CCDC144A: variants seen among roughly 807,000 people sequenced by gnomAD.
CCDC144A encodes the protein coiled-coil domain containing 144A, also known as coiled-coil domain-containing protein 144A.
Under a neutral mutation model 143.8 loss-of-function variants are expected in CCDC144A, and 41 were observed. The observed-to-expected ratio is 0.29, with a 90% CI of 0.22 to 0.37. The LOEUF (loss-of-function observed/expected upper bound fraction) is 0.37, where lower values mean the gene tolerates loss of function less well. Among genes scored for constraint, CCDC144A ranks in the 10% least tolerant of loss-of-function variants. The pLI is 1.00. For missense variants in CCDC144A, 637 were observed against 1,488.8 expected (o/e 0.43, Z 9.41); for synonymous variants, 242 against 517.9 (o/e 0.47, Z 7.23).
the CCDC144A span, among the ~76,000 whole-genome samples, chr17:16,670,348 C>T: frequency 1.6e-5 from 2 of 124,262 alleles, no homozygotes; most frequent in Admixed American, 1.7e-4. Flanking sequence ...AGTGCAATGG[C>T]GTGATCTTGG....
intron 11 of CCDC144A, among the ~76,000 whole-genome samples, chr17:16,734,332 T>C (rs1913896356): frequency 6.6e-6 from 1 of 152,152 alleles, no homozygotes; most frequent in South Asian, 2.1e-4. Context: ...GCTTTTACTA[T>C]AGGGTGGTGT....
intron 12 of CCDC144A, chr17:16,746,518 G>A: frequency 2.5e-6 from 4 of 1,613,708 alleles, no homozygotes; most frequent in Middle Eastern, 1.7e-4. Flanking sequence ...CCACACAGTA[G>A]GTTTCTAAAA....
At chr17:16,712,813 A>T (rs1407702943) in intron 6 of CCDC144A, among the ~76,000 whole-genome samples, 2 of 152,176 alleles carry the variant, frequency 1.3e-5, no homozygotes, top group African/African-American at 4.8e-5. Flanking sequence ...TGATTATTTC[A>T]CAATTAAAGT....
chr17:16,683,846 G>T, the CCDC144A span: 3 of 1,395,594 alleles, frequency 2.1e-6, no homozygotes, highest in Non-Finnish European at 3.1e-6. Context: ...AGTTAGCAGA[G>T]ACACGTTTTC....
chr17:16,748,229 T>A (rs1000956540), intron 12 of CCDC144A, among the ~76,000 whole-genome samples: 12 of 152,152 alleles, frequency 7.9e-5, no homozygotes, highest in Non-Finnish European at 1.8e-4. Context: ...GCTGTGGGTT[T>A]GTTATAGAGT....
intron 12 of CCDC144A, among the ~76,000 whole-genome samples, chr17:16,759,899 G>A (rs1915282198): frequency 6.6e-6 from 1 of 152,180 alleles, no homozygotes. Context: ...GGCTCAGTGG[G>A]GCCAACTCCC....
chr17:16,682,146 A>G, the CCDC144A span, among the ~76,000 whole-genome samples: 1 of 151,656 alleles, frequency 6.6e-6, no homozygotes, highest in African/African-American at 2.4e-5. Flanking sequence ...ATTTGGAATT[A>G]CTGCACTTTA....
chr17:16,747,092 T>C (rs540509438), intron 12 of CCDC144A, among the ~76,000 whole-genome samples: 1 of 152,156 alleles, frequency 6.6e-6, no homozygotes, highest in East Asian at 1.9e-4. Context: ...TATGTGGTGA[T>C]AGCTAGGGGT....
intron 12 of CCDC144A, chr17:16,746,627 G>T: frequency 5.0e-6 from 8 of 1,612,930 alleles, no homozygotes; most frequent in Non-Finnish European, 5.9e-6. Flanking sequence ...ATTAATGTAT[G>T]CTCTTGAGTA....
chr17:16,721,251 C>A (rs930677564), intron 8 of CCDC144A, among the ~76,000 whole-genome samples: 1 of 151,990 alleles, frequency 6.6e-6, no homozygotes, highest in African/African-American at 2.4e-5. Context: ...CAATCGTGTG[C>A]ACATTTGAAA....
Position 16,734,829 on chromosome 17 carries a change from T to C in CCDC144A, c.2558T>C (p.Ile853Thr), listed in dbSNP as rs1449936091. Residue 853 changes from isoleucine (I) to threonine (T), a missense_variant, in exon 12 of 17, where the codon ATT becomes ACT. Ile to Thr is a moderately conservative substitution (Grantham distance 89, BLOSUM62 -1). Transcript: ENST00000399273. ...KQKEKKYFED[I>T]EAVKEKNDNL... The stretch of plus-strand genomic sequence containing the variant: ...AAGGAAAAGAAATATTTTGAGGACA[T>C]TGAGGCTGTGAAAGAAAAGAATGAT... 1.3e-6 allele frequency: 2 copies of C among 1,561,880 alleles called. No homozygotes were observed. The highest frequency in any genetic ancestry group is 4.6e-5 in the East Asian group (2 of 43,538).
intron 3 of CCDC144A, 183 bp downstream of exon 3, chr17:16,705,582 G>T: frequency 1.7e-6 from 1 of 597,058 alleles, no homozygotes; most frequent in Non-Finnish European, 3.0e-6. Flanking sequence ...GCAACATCTA[G>T]ATAACAGAGA....
the CCDC144A span, among the ~76,000 whole-genome samples, chr17:16,668,401 T>C: frequency 6.6e-6 from 1 of 152,326 alleles, no homozygotes; most frequent in East Asian, 1.9e-4. Flanking sequence ...GCTGATAGTT[T>C]TCCCTAAGCT....
At chr17:16,682,560 T>C in the CCDC144A span, among the ~76,000 whole-genome samples, 319 of 152,044 alleles carry the variant, frequency 2.1e-3, 1 homozygote, top group Non-Finnish European at 3.9e-3. Context: ...CTGAGCCTAG[T>C]GCTTCTCTAA....
the CCDC144A span, among the ~76,000 whole-genome samples, chr17:16,676,523 A>G: frequency 6.6e-6 from 1 of 151,960 alleles, no homozygotes; most frequent in East Asian, 1.9e-4. Flanking sequence ...AAAAAAAAAA[A>G]AAACACAAAA....
intron 12 of CCDC144A, chr17:16,746,031 T>G: frequency 6.2e-7 from 1 of 1,611,904 alleles, no homozygotes; most frequent in Non-Finnish European, 8.5e-7. Flanking sequence ...ATCCCTGTGC[T>G]CTTTATCACT....
the CCDC144A span, among the ~76,000 whole-genome samples, chr17:16,682,662 T>C: frequency 6.6e-6 from 1 of 152,024 alleles, no homozygotes; most frequent in Non-Finnish European, 1.5e-5. Flanking sequence ...TTAAGTGTTC[T>C]GGAATTCTAT....
At chr17:16,746,811 C>T (rs1353460394) in intron 12 of CCDC144A, 2 of 1,339,134 alleles carry the variant, frequency 1.5e-6, no homozygotes, top group Non-Finnish European at 2.1e-6. Flanking sequence ...GGACAAGGAG[C>T]TCAAAAGGCA....
At chr17:16,745,878 T>C (rs906112417) in intron 12 of CCDC144A, 1 of 1,594,710 alleles carries the variant, frequency 6.3e-7, no homozygotes, top group African/African-American at 1.3e-5. Context: ...CTTCCCTCTG[T>C]CTTGGCCAGG....
Sources: allele counts gnomAD v4.1 joint callset (sites outside exome capture counted in the v4.1 genomes callset), GRCh38; gene constraint gnomAD v4.1.1; transcripts MANE v1.5; gene names NCBI Gene and HGNC (gene_info 2026-07-23, HGNC 2026-07-21).